CRMP1: variants seen among roughly 807,000 people sequenced by gnomAD.
The protein encoded by CRMP1 is collapsin response mediator protein 1.
A neutral mutation model predicts 68.3 loss-of-function variants in CRMP1; 19 were observed. That is an observed-to-expected ratio of 0.28 (90% CI 0.19 to 0.41). The LOEUF is 0.41. CRMP1 is among the 10% of genes least tolerant of loss of function. The pLI is 1.00. For synonymous variants in CRMP1, 439 were observed against 399.6 expected (o/e 1.10, Z -1.18); for missense variants, 791 against 967.4 (o/e 0.82, Z 2.42).
intron 5 of CRMP1, among the ~76,000 whole-genome samples, chr4:5,849,976 C>G (rs1712503387): frequency 6.6e-6 from 1 of 152,140 alleles, no homozygotes; most frequent in Non-Finnish European, 1.5e-5. Context: ...TGGGGGAAAC[C>G]AGCTCTCTAA....
At position 5,835,915 on chromosome 4, in the gene CRMP1, C is replaced by G; in HGVS notation, c.1623G>C (p.Ser541=). Residue 541 remains serine (S), a splice_region_variant and synonymous_variant, in exon 11 of 14, where the codon TCG becomes TCC. Transcript: ENST00000324989. ...LKTITAKSHK[S]AVEYNIFEGM... ...GCAGCACAAATAGGCCAGGACTTAC[C>G]GACTTGTGACTTTTGGCTGTTATGG... is the stretch of plus-strand genomic sequence containing the variant. 6.5e-7 allele frequency: 1 copy of G among 1,534,920 alleles called. No individual in the cohort carries two copies. The highest frequency in any genetic ancestry group is 8.8e-7 in the Non-Finnish European group (1 of 1,141,902).
chr4:5,825,743 A>G lies in CRMP1; in HGVS notation c.1804-84T>C, dbSNP rs1719462648. 1 of 1,451,720 alleles carries G rather than the reference A, an allele frequency of 6.9e-7. No individual in the cohort carries two copies. The highest frequency in any genetic ancestry group is 9.4e-7 in the Non-Finnish European group (1 of 1,063,602). 89.9% of individuals were successfully genotyped at this position (1,451,720 alleles called of 1,614,324 possible). ...CAGATAAAGCAGAGCCCTGCGGGCG[A>G]GAGAGAAACCTGAGGTCACTTCAAA... On this transcript the variant is annotated intron_variant, in intron 12 of 13. Coordinates refer to ENST00000324989, the MANE Select transcript of CRMP1 (RefSeq NM_001014809.3). The surrounding 1 kb of genome is among the most constrained non-coding windows in gnomAD (Gnocchi z 4.4).
In CRMP1 at chr4:5,825,786, ACAC is replaced by A. The variant is rs1202963912; in HGVS notation, c.1804-130_1804-128del. On this transcript the variant is annotated intron_variant, in intron 12 of 13. Coordinates refer to ENST00000324989, the MANE Select transcript of CRMP1 (RefSeq NM_001014809.3). This position sits in a 1 kb window ranked among gnomAD's most constrained non-coding sequence, Gnocchi z 4.4. ...ACTTCAAATGTGCATGCACACACAC[ACAC>A]AACACGCACACACGACAGGTGCACT... The A allele has an allele frequency of 7.0e-6, 6 of 861,418 alleles. No individual in the cohort carries two copies. The highest frequency in any genetic ancestry group is 3.5e-5 in the African/African-American group (2 of 56,886). 53.4% of individuals were successfully genotyped at this position (861,418 alleles called of 1,614,324 possible). A position where few individuals can be genotyped will look rare whatever the true frequency, so the allele number is the denominator to read the frequency against.
At chr4:5,851,310 G>T in intron 5 of CRMP1, 98 bp downstream of exon 5, 1 of 1,080,160 alleles carries the variant, frequency 9.3e-7, no homozygotes, top group Non-Finnish European at 1.4e-6. Context: ...GAATCCCACG[G>T]CTTCTCACAA....
At chr4:5,878,373 A>C (rs751077762) in intron 1 of CRMP1, among the ~76,000 whole-genome samples, 1 of 152,126 alleles carries the variant, frequency 6.6e-6, no homozygotes, top group Non-Finnish European at 1.5e-5. Context: ...TATCAAGTAC[A>C]TACCCCAGGC....
Position 5,890,442 on chromosome 4 carries a change from G to A in CRMP1, c.381+2147C>T, listed in dbSNP as rs1397612807. 6.6e-6 allele frequency among the ~76,000 whole-genome samples: 1 copy of A among 152,210 alleles called. No individual in the cohort carries two copies. Among genetic ancestry groups the A allele is most frequent in the African/African-American group, 2.4e-5 (1 of 41,474 alleles). ...TGGTGGGCGGGGGGGGAAGGGCCGGGGCACCCGTTGCGAAGCCCTGGAGCG... is the reference window on the plus strand; with the variant it reads ...TGGTGGGCGGGGGGGGAAGGGCCGGAGCACCCGTTGCGAAGCCCTGGAGCG... On this transcript the variant is annotated intron_variant, in intron 1 of 13. Coordinates refer to ENST00000324989, the MANE Select transcript of CRMP1 (RefSeq NM_001014809.3). The surrounding 1 kb of genome is among the most constrained non-coding windows in gnomAD (Gnocchi z 5.5).
At chr4:5,852,288 C>G (rs1200393751) in intron 4 of CRMP1, among the ~76,000 whole-genome samples, 1 of 152,194 alleles carries the variant, frequency 6.6e-6, no homozygotes, top group African/African-American at 2.4e-5. Context: ...CTCTGGGTTT[C>G]ACTTTCCCCA....
rs1435662940 is a variant in CRMP1, at chr4:5,892,647, G to A, written c.323C>T (p.Thr108Met). 2 of 1,193,636 alleles carry A rather than the reference G, an allele frequency of 1.7e-6. No homozygotes were observed. Among genetic ancestry groups the A allele is most frequent in the African/African-American group, 1.6e-5 (1 of 62,582 alleles). The allele number at this position is 1,193,636 out of a possible 1,614,324, so 73.9% of individuals were successfully genotyped here. A position where few individuals can be genotyped will look rare whatever the true frequency, so the allele number is the denominator to read the frequency against. Residue 108 changes from threonine (T) to methionine (M), a missense_variant, in exon 1 of 14, where the codon ACG becomes ATG. Thr to Met is a moderately conservative substitution (Grantham distance 81). Coordinates refer to ENST00000324989, the MANE Select transcript of CRMP1 (RefSeq NM_001014809.3). This position sits in a 1 kb window ranked among gnomAD's most constrained non-coding sequence, Gnocchi z 8.6. ...SPGERDERPP[T>M]LRIRRPAPRD... ...GGGCGCGGGGCGGCGGATGCGCAGC[G>A]TCGGCGGCCGCTCGTCGCGCTCTCC... is the stretch of plus-strand genomic sequence containing the variant.
intron 11 of CRMP1, among the ~76,000 whole-genome samples, chr4:5,833,009 T>A (rs1720482927): frequency 6.6e-6 from 1 of 152,050 alleles, no homozygotes; most frequent in South Asian, 2.1e-4. Flanking sequence ...CAGAGGCAGA[T>A]GATGTAAGGG....
Position 5,842,360 on chromosome 4 carries a change from C to T in CRMP1, c.1032+733G>A, listed in dbSNP as rs949292169. On this transcript the variant is annotated intron_variant, in intron 7 of 13. Transcript: ENST00000324989. This position sits in a 1 kb window ranked among gnomAD's most constrained non-coding sequence, Gnocchi z 4.5. ...AGGAGAGTCACTTGAACCCAGGAAG[C>T]GGAGGCTGCAGTGAACCGAGATCAT... Among the ~76,000 whole-genome samples the T allele has an allele frequency of 1.4e-5, 2 of 146,370 alleles. No homozygotes were observed. The highest frequency in any genetic ancestry group is 2.3e-4 in the South Asian group (1 of 4,442).
At chr4:5,852,581 G>A (rs1400762311) in intron 4 of CRMP1, among the ~76,000 whole-genome samples, 1 of 152,210 alleles carries the variant, frequency 6.6e-6, no homozygotes, top group Admixed American at 6.5e-5. Context: ...CATGTGCTAA[G>A]CACTTGAGAT....
At chr4:5,887,987 C>CCGCGGGGAGAGGGACT (rs1040193395) in intron 1 of CRMP1, among the ~76,000 whole-genome samples, 10 of 151,956 alleles carry the variant, frequency 6.6e-5, no homozygotes, top group Non-Finnish European at 1.5e-4. Flanking sequence ...GGCGGCAAGC[C>CCGCGGGGAGAGGGACT]CGCGGGGAGA....
rs1315910430 is a variant in CRMP1 at position 5,881,372 on chromosome 4, TC to T, written c.381+11216del. On this transcript the variant is annotated intron_variant, in intron 1 of 13. Coordinates refer to ENST00000324989, the MANE Select transcript of CRMP1 (RefSeq NM_001014809.3). This position sits in a 1 kb window ranked among gnomAD's most constrained non-coding sequence, Gnocchi z 4.6. ...GCAATGGTTCTCAACCTTACTGTAC[TC>T]AGGACATACTTTCAAATCATATAAA... Among the ~76,000 whole-genome samples the T allele has an allele frequency of 6.6e-6, 1 of 152,206 alleles. No homozygotes were observed. Among genetic ancestry groups the T allele is most frequent in the African/African-American group, 2.4e-5 (1 of 41,450 alleles).
intron 4 of CRMP1, among the ~76,000 whole-genome samples, chr4:5,851,933 GGAA>G (rs145323715): frequency 0.021 from 2,977 of 144,974 alleles, 82 homozygotes; most frequent in African/African-American, 0.066. Flanking sequence ...AGGAAGAGGA[GGAA>G]GAGGAGGAGA....
In CRMP1 at chr4:5,825,543, G is replaced by A. The variant is rs374909277; in HGVS notation, c.1920C>T (p.His640=). The A allele has an allele frequency of 4.4e-6, 7 of 1,593,668 alleles. No homozygotes were observed. Among genetic ancestry groups the A allele is most frequent in the Middle Eastern group, 1.7e-4 (1 of 5,994 alleles). Residue 640 remains histidine, a synonymous_variant, in exon 13 of 14, where the codon CAC becomes CAT. Transcript: ENST00000324989. This position sits in a 1 kb window ranked among gnomAD's most constrained non-coding sequence, Gnocchi z 4.4. ...APSAKSSPSK[H]QPPPIRNLHQ... is the part of the protein sequence containing the mutation. ...GGAGGTTTCTGATGGGTGGGGGCTGGTGTTTAGAAGGCGAAGATTTGGCTG... is the reference window on the plus strand; with the variant it reads ...GGAGGTTTCTGATGGGTGGGGGCTGATGTTTAGAAGGCGAAGATTTGGCTG...
rs192971611 is a variant in CRMP1 at position 5,867,905 on chromosome 4, T to C, written c.382-1149A>G. Among the ~76,000 whole-genome samples, 2 of 151,612 alleles carry C rather than the reference T, an allele frequency of 1.3e-5. 1 individual carries two copies. Among genetic ancestry groups the C allele is most frequent in the Non-Finnish European group, 2.9e-5 (2 of 67,960 alleles). The stretch of plus-strand genomic sequence containing the variant: ...GTGTCATTAGAGGAAGGTGGATAGA[T>C]AAACACACACACACACACACACAGG... On this transcript the variant is annotated intron_variant, in intron 1 of 13. Coordinates refer to ENST00000324989, the MANE Select transcript of CRMP1 (RefSeq NM_001014809.3).
In CRMP1 at chr4:5,864,588, C is replaced by A. The variant is rs144036585; in HGVS notation, c.470+2080G>T. ...GGCCCCAGGGCGGGGGGCCACGAGG[C>A]AAGGCCCTGGTCAAGGAGCGATGCA... On this transcript the variant is annotated intron_variant, in intron 2 of 13. Transcript: ENST00000324989. 4.8e-3 allele frequency among the ~76,000 whole-genome samples: 727 copies of A among 152,224 alleles called. 3 individuals are homozygous for A. The highest frequency in any genetic ancestry group is 0.017 in the African/African-American group (702 of 41,560).
rs973408889 is a variant in CRMP1, at chr4:5,858,813, G to T, written c.655+2213C>A. Among the ~76,000 whole-genome samples, 2 of 152,154 alleles carry T rather than the reference G, an allele frequency of 1.3e-5. No individual in the cohort carries two copies. Among genetic ancestry groups the T allele is most frequent in the African/African-American group, 4.8e-5 (2 of 41,450 alleles). ...TCCTTCCAGCCTTGCCTCACAGGAT[G>T]TCATCCCTCAATCTCGACACCCCTG... On this transcript the variant is annotated intron_variant, in intron 3 of 13. Transcript: ENST00000324989. The surrounding 1 kb of genome is among the most constrained non-coding windows in gnomAD (Gnocchi z 5.5).
At chr4:5,828,770 A>C (rs1402393176) in intron 11 of CRMP1, 102 bp from the exon 12 acceptor site, 4 of 1,372,552 alleles carry the variant, frequency 2.9e-6, no homozygotes, top group Non-Finnish European at 3.9e-6. Context: ...AGCGTGTTCC[A>C]ATGTTTTTTT....
Sources: allele counts gnomAD v4.1 joint callset (sites outside exome capture counted in the v4.1 genomes callset), GRCh38; gene constraint gnomAD v4.1.1; non-coding constraint Gnocchi (gnomAD v3.1); transcripts MANE v1.5; gene names NCBI Gene and HGNC (gene_info 2026-07-23, HGNC 2026-07-21).